The following DEPDC5 variants were observed in gnomAD, a reference collection of about 807,000 sequenced individuals.
The protein encoded by DEPDC5 is GATOR1 complex protein DEPDC5.
A neutral mutation model predicts 217.3 loss-of-function variants in DEPDC5; 73 were observed. That is an observed-to-expected ratio of 0.34 (90% CI 0.28 to 0.41). The LOEUF is 0.41. Among genes scored for constraint, DEPDC5 ranks in the 10% least tolerant of loss-of-function variants. The pLI is 1.00. For synonymous variants in DEPDC5, 733 were observed against 756.7 expected (o/e 0.97, Z 0.51); for missense variants, 1,675 against 2,070.1 (o/e 0.81, Z 3.70).
intron 9 of DEPDC5, 34 bp from the exon 10 acceptor site, chr22:31,784,780 A>G: frequency 1.3e-6 from 2 of 1,592,058 alleles, no homozygotes; most frequent in Non-Finnish European, 1.7e-6. Flanking sequence ...GATTGTTCTC[A>G]TGTTCTCATC....
chr22:31,870,613 TCCTATGTTGG>T lies in DEPDC5; in HGVS notation c.3355_3364del (p.Pro1119ThrfsTer27). 6.4e-7 allele frequency: 1 copy of T among 1,566,724 alleles called. No homozygotes were observed. The highest frequency in any genetic ancestry group is 2.4e-5 in the East Asian group (1 of 42,500). On this transcript the variant is annotated frameshift_variant, in exon 34 of 43. Coordinates refer to ENST00000651528, the MANE Select transcript of DEPDC5 (RefSeq NM_001242896.3). LOFTEE classifies it high-confidence loss of function. ...AGGTATCTGTGGACCAAACAGCCAC[TCCTATGTTGG>T]ACGGCACCAGTTTGGGCATATGCAC...
intron 40 of DEPDC5, among the ~76,000 whole-genome samples, chr22:31,898,874 A>T (rs1478668418): frequency 6.6e-6 from 1 of 152,234 alleles, no homozygotes. Flanking sequence ...CTTGAAACAC[A>T]CATGTTCTTG....
chr22:31,774,102 A>C (rs1009944384), intron 7 of DEPDC5, among the ~76,000 whole-genome samples: 3 of 152,134 alleles, frequency 2.0e-5, no homozygotes, highest in African/African-American at 7.2e-5. Flanking sequence ...CAACAACAAC[A>C]AAAAATATAT....
At chr22:31,813,356 GGT>G (rs1428626406) in intron 20 of DEPDC5, among the ~76,000 whole-genome samples, 1 of 152,128 alleles carries the variant, frequency 6.6e-6, no homozygotes, top group Non-Finnish European at 1.5e-5. Context: ...CAGGTTGTGT[GGT>G]CTCTGAAGGC....
intron 25 of DEPDC5, 65 bp from the exon 26 acceptor site, chr22:31,836,907 T>G: frequency 4.0e-5 from 21 of 519,028 alleles, no homozygotes; most frequent in Middle Eastern, 4.6e-4. Context: ...TTCCCTCCCC[T>G]GGCCCCCCAT....
intron 24 of DEPDC5, among the ~76,000 whole-genome samples, chr22:31,827,560 A>G (rs963034406): frequency 1.3e-5 from 2 of 152,150 alleles, no homozygotes; most frequent in Non-Finnish European, 2.9e-5. Context: ...ACCTTTATAA[A>G]ATAGAATTTG....
intron 12 of DEPDC5, among the ~76,000 whole-genome samples, chr22:31,793,917 T>G (rs999002971): frequency 1.3e-5 from 2 of 152,108 alleles, no homozygotes; most frequent in Non-Finnish European, 2.9e-5. Context: ...ATAGTTACTG[T>G]TTTTACGGGA....
intron 38 of DEPDC5, 24 bp from the exon 39 acceptor site, chr22:31,893,558 G>C (rs1360029611): frequency 6.5e-7 from 1 of 1,532,770 alleles, no homozygotes. Context: ...ACTCTCTTGG[G>C]GCCCCTCCTG....
intron 12 of DEPDC5, among the ~76,000 whole-genome samples, chr22:31,796,951 T>C (rs2086308973): frequency 1.3e-5 from 2 of 151,490 alleles, no homozygotes; most frequent in Non-Finnish European, 2.9e-5. Context: ...TGCCTGGGCC[T>C]CCCAAAGTAC....
intron 33 of DEPDC5, among the ~76,000 whole-genome samples, chr22:31,866,478 C>T (rs1427595769): frequency 2.0e-5 from 3 of 152,066 alleles, no homozygotes; most frequent in East Asian, 1.9e-4. Flanking sequence ...CTCCGCCTCC[C>T]GAGTTCAAGC....
intron 20 of DEPDC5, among the ~76,000 whole-genome samples, chr22:31,811,035 A>G (rs1310516066): frequency 6.6e-6 from 1 of 151,568 alleles, no homozygotes. Context: ...TCGACCTCCC[A>G]AAATGCTAGG....
intron 7 of DEPDC5, among the ~76,000 whole-genome samples, chr22:31,776,728 C>A (rs1167866062): frequency 1.3e-5 from 2 of 151,830 alleles, no homozygotes; most frequent in Non-Finnish European, 2.9e-5. Flanking sequence ...TACCCACCAC[C>A]ATGCCCATTT....
At chr22:31,885,425 T>G (rs1366279863) in intron 38 of DEPDC5, among the ~76,000 whole-genome samples, 2 of 152,162 alleles carry the variant, frequency 1.3e-5, no homozygotes, top group Middle Eastern at 3.2e-3. Context: ...TCAAGTCTCT[T>G]GTCCAAAAAT....
chr22:31,869,240 G>GAA (rs563406542), intron 33 of DEPDC5, among the ~76,000 whole-genome samples: 66 of 132,392 alleles, frequency 5.0e-4, no homozygotes, highest in African/African-American at 1.6e-3. Context: ...CCTGTCTCTG[G>GAA]AAAAAAAAAA....
intron 20 of DEPDC5, chr22:31,814,260 C>T (rs1280739555): frequency 6.6e-6 from 1 of 152,072 alleles, no homozygotes; most frequent in African/African-American, 2.4e-5. Flanking sequence ...CAGCCTGGCA[C>T]AAAGCTGATT....
intron 38 of DEPDC5, among the ~76,000 whole-genome samples, chr22:31,889,802 T>C (rs1223685378): frequency 6.6e-6 from 1 of 152,114 alleles, no homozygotes; most frequent in Non-Finnish European, 1.5e-5. Flanking sequence ...CCTCCCAAAG[T>C]GTTGGGATTA....
intron 34 of DEPDC5, among the ~76,000 whole-genome samples, chr22:31,871,464 G>A (rs2092840477): frequency 6.6e-6 from 1 of 152,190 alleles, no homozygotes; most frequent in Admixed American, 6.5e-5. Flanking sequence ...CTGTGCTGGT[G>A]TAATCTGTGT....
intron 4 of DEPDC5, among the ~76,000 whole-genome samples, chr22:31,762,338 A>G (rs1469647269): frequency 6.6e-6 from 1 of 152,256 alleles, no homozygotes; most frequent in Non-Finnish European, 1.5e-5. Flanking sequence ...CTTATTCTGG[A>G]TTCAAATCCT....
At chr22:31,842,248 T>G (rs1671193852) in intron 27 of DEPDC5, among the ~76,000 whole-genome samples, 1 of 152,168 alleles carries the variant, frequency 6.6e-6, no homozygotes, top group South Asian at 2.1e-4. Context: ...GATCTGGGAT[T>G]TCAGTGGTGG....
Sources: allele counts gnomAD v4.1 joint callset (sites outside exome capture counted in the v4.1 genomes callset), GRCh38; gene constraint gnomAD v4.1.1; transcripts MANE v1.5; gene names NCBI Gene and HGNC (gene_info 2026-07-23, HGNC 2026-07-21).